The following RP1 variants were observed in gnomAD, a reference collection of about 807,000 sequenced individuals.
The protein encoded by RP1 is oxygen-regulated protein 1.
RP1 carries 16 observed loss-of-function variants against 14.8 expected under a neutral mutation model. That is an observed-to-expected ratio of 1.08 (90% confidence interval 0.73 to 1.65). RP1 has a LOEUF of 1.65. Ranked by LOEUF, RP1 falls within the 40% of genes most tolerant of loss-of-function variation. RP1 has a pLI of 0.00. For missense variants in RP1, 2,631 were observed against 2,535.0 expected (o/e 1.04, Z -0.81); for synonymous variants, 876 against 883.6 (o/e 0.99, Z 0.15).
At chr8:54,704,164 A>T (rs958338374) in intron 14 of RP1, among the ~76,000 whole-genome samples, 10 of 152,216 alleles carry the variant, frequency 6.6e-5, no homozygotes, top group Non-Finnish European at 1.5e-4. Context: ...CTAGCTTTAG[A>T]TCTGCCTCAG....
intron 3 of RP1, among the ~76,000 whole-genome samples, 194 bp downstream of exon 3, chr8:54,622,482 G>C (rs959499478): frequency 1.3e-5 from 2 of 152,104 alleles, no homozygotes; most frequent in Non-Finnish European, 2.9e-5. Flanking sequence ...CTATTTTTTA[G>C]ACTTTTCCAA....
rs758552514 is a variant in RP1, at chr8:54,625,796, C to T, written c.1914C>T (p.Val638=). The T allele has an allele frequency of 6.2e-7, 1 of 1,613,438 alleles. No individual in the cohort carries two copies. The highest frequency in any genetic ancestry group is 1.1e-5 in the South Asian group (1 of 91,066). The change falls in exon 4 of 4, where the codon GTC becomes GTT. Residue 638 remains valine (V), a synonymous_variant. Coordinates refer to ENST00000220676, the MANE Select transcript of RP1 (RefSeq NM_006269.2). ...EAPASEASST[V]TARIDRLINE... ...CAGCTTCAGAAGCATCCTCTACTGTCACTGCAAGAATTGACAGACTAATTA... is the reference window on the plus strand; with the variant it reads ...CAGCTTCAGAAGCATCCTCTACTGTTACTGCAAGAATTGACAGACTAATTA...
chr8:54,754,883 G>A (rs1360812415), exon 20 of RP1: 4 of 1,526,868 alleles, frequency 2.6e-6, no homozygotes, highest in Non-Finnish European at 3.5e-6. Flanking sequence ...AGGCAGATGG[G>A]GATGTTGTCT....
chr8:54,836,029 T>G (rs1209992539), intron 24 of RP1, among the ~76,000 whole-genome samples: 1 of 152,232 alleles, frequency 6.6e-6, no homozygotes, highest in Non-Finnish European at 1.5e-5. Context: ...ACTGTGTCTC[T>G]GTGCACCCAG....
intron 3 of RP1, among the ~76,000 whole-genome samples, chr8:54,636,901 T>G (rs533963047): frequency 8.5e-5 from 13 of 152,320 alleles, no homozygotes; most frequent in African/African-American, 3.1e-4. Flanking sequence ...AAATTCTCAG[T>G]CAAAAAGACA....
chr8:54,750,836 T>C (rs1399495034), intron 19 of RP1, among the ~76,000 whole-genome samples: 1 of 152,136 alleles, frequency 6.6e-6, no homozygotes, highest in African/African-American at 2.4e-5. Flanking sequence ...AACGCACCAA[T>C]CAGCAGGACT....
At chr8:54,791,586 T>C (rs986861821) in intron 24 of RP1, among the ~76,000 whole-genome samples, 4 of 152,018 alleles carry the variant, frequency 2.6e-5, no homozygotes, top group East Asian at 1.9e-4. Context: ...ACATAAAATA[T>C]TAGGTGTGAG....
At chr8:54,798,576 T>C (rs917858777) in intron 24 of RP1, among the ~76,000 whole-genome samples, 2 of 152,214 alleles carry the variant, frequency 1.3e-5, no homozygotes, top group African/African-American at 4.8e-5. Context: ...ATAGAACTTA[T>C]AGTTCAAGTA....
At chr8:54,643,014 T>C (rs1012415842) in intron 3 of RP1, among the ~76,000 whole-genome samples, 1 of 152,148 alleles carries the variant, frequency 6.6e-6, no homozygotes, top group Non-Finnish European at 1.5e-5. Flanking sequence ...TTTAATAAAT[T>C]GCCTATTCAT....
chr8:54,854,613 C>A (rs1240257207), intron 26 of RP1, among the ~76,000 whole-genome samples: 1 of 152,062 alleles, frequency 6.6e-6, no homozygotes, highest in Non-Finnish European at 1.5e-5. Flanking sequence ...GCCTGTAATC[C>A]CAGCACTTTG....
chr8:54,680,033 CA>C (rs1399005064), intron 12 of RP1: 4 of 1,414,588 alleles, frequency 2.8e-6, no homozygotes, highest in Non-Finnish European at 3.7e-6. Context: ...GTTCTTTTTA[CA>C]GATGGCTTTA....
intron 24 of RP1, among the ~76,000 whole-genome samples, chr8:54,807,975 A>G (rs959821306): frequency 1.6e-5 from 1 of 62,204 alleles, no homozygotes; most frequent in Non-Finnish European, 3.2e-5. Flanking sequence ...ATCTGATCTT[A>G]TCCAAAAAAA....
chr8:54,821,657 A>C (rs1010248005), intron 24 of RP1, among the ~76,000 whole-genome samples: 5 of 152,162 alleles, frequency 3.3e-5, no homozygotes, highest in African/African-American at 1.2e-4. Context: ...AGAGCAACTT[A>C]ATGTGTTAAA....
At chr8:54,659,734 G>A (rs988145095) in intron 6 of RP1, among the ~76,000 whole-genome samples, 1 of 152,044 alleles carries the variant, frequency 6.6e-6, no homozygotes, top group African/African-American at 2.4e-5. Context: ...TGAATTTTTG[G>A]ATTTTTTCCT....
chr8:54,652,776 A>T, intron 4 of RP1: 10 of 1,533,720 alleles, frequency 6.5e-6, no homozygotes, highest in Non-Finnish European at 8.7e-6. Context: ...TTGGCTCTTC[A>T]TAGATAACAG....
chr8:54,730,584 C>A (rs1322700660), intron 17 of RP1, among the ~76,000 whole-genome samples: 1 of 152,020 alleles, frequency 6.6e-6, no homozygotes. Flanking sequence ...ATATTAAGAT[C>A]ATTAGGATAT....
chr8:54,865,919 A>G (rs1812447533), intron 28 of RP1: 5 of 1,196,466 alleles, frequency 4.2e-6, no homozygotes, highest in Non-Finnish European at 5.2e-6. Context: ...TGCAACAGGT[A>G]TGCTCTTAAT....
intron 26 of RP1, among the ~76,000 whole-genome samples, chr8:54,852,905 G>C (rs537878346): frequency 6.6e-6 from 1 of 152,118 alleles, no homozygotes; most frequent in African/African-American, 2.4e-5. Context: ...GTAGAGGATG[G>C]GACTTAACTC....
chr8:54,796,726 G>A (rs777822511), intron 24 of RP1, among the ~76,000 whole-genome samples: 8 of 152,214 alleles, frequency 5.3e-5, no homozygotes, highest in South Asian at 4.1e-4. Flanking sequence ...CCTCATTGAC[G>A]TCTTGATTTC....
Sources: gnomAD v4.1 joint callset for allele counts (sites outside exome capture counted in the v4.1 genomes callset) on GRCh38, gnomAD v4.1.1 for gene constraint, MANE v1.5 for transcripts, NCBI Gene and HGNC (gene_info 2026-07-23, HGNC 2026-07-21) for gene names.